The following ANXA11 variants were observed in gnomAD, a reference collection of about 807,000 sequenced individuals.
The protein encoded by ANXA11 is 56 kDa autoantigen.
Under a neutral mutation model 64.7 loss-of-function variants are expected in ANXA11, and 57 were observed. The observed-to-expected ratio is 0.88, with a 90% CI of 0.71 to 1.10. ANXA11 has a LOEUF of 1.10. Ranked by LOEUF, ANXA11 falls within the 50% of genes least tolerant of loss-of-function variation. The pLI is 0.00. For missense variants in ANXA11, 675 were observed against 670.7 expected (o/e 1.01, Z -0.07); for synonymous variants, 260 against 265.2 (o/e 0.98, Z 0.19).
intron 1 of ANXA11, among the ~76,000 whole-genome samples, chr10:80,188,865 G>A (rs1486051553): frequency 1.3e-5 from 2 of 152,110 alleles, no homozygotes; most frequent in African/African-American, 4.8e-5. Flanking sequence ...AAACTCAGGT[G>A]TCAGGCTCCC....
At position 80,162,024 on chromosome 10, in the gene ANXA11, A is replaced by G; in HGVS notation, c.1091T>C (p.Leu364Pro). The G allele has an allele frequency of 1.2e-6, 2 of 1,609,932 alleles. No homozygotes were observed. Among genetic ancestry groups the G allele is most frequent in the Non-Finnish European group, 1.7e-6 (2 of 1,179,110 alleles). The change falls in exon 12 of 16, where the codon CTG (leucine) becomes CCG (proline). Residue 364 changes from leucine to proline, a missense_variant. Physicochemically the swap from Leu to Pro is moderately conservative, Grantham distance 98. Coordinates refer to ENST00000422982, the MANE Select transcript of ANXA11 (RefSeq NM_145868.2). Reference protein sequence around the residue: ...MSLAQRDAQELYAAGENRLGT... With the variant: ...MSLAQRDAQEPYAAGENRLGT... ...CAGGCGGTTCTCCCCGGCCGCATAC[A>G]GCTCCTGGAGAGAGAGGAAGACGCA...
chr10:80,194,710 T>C (rs530430180), intron 1 of ANXA11, among the ~76,000 whole-genome samples: 123 of 152,300 alleles, frequency 8.1e-4, no homozygotes, highest in African/African-American at 2.9e-3. Flanking sequence ...TCCCAGAACC[T>C]GGGGCTCCTG....
rs141124851 is a variant in ANXA11 at position 80,176,687 on chromosome 10, C to A, written c.-57-532G>T. On this transcript the variant is annotated intron_variant, in intron 1 of 15. Transcript: ENST00000422982. ...CACACAGGGTCCATTCAGTTCCAGG[C>A]AGCCTTGGTAACCCTGGAGGGCCTG... Among the ~76,000 whole-genome samples, 11 of 152,316 alleles carry A rather than the reference C, an allele frequency of 7.2e-5. 2 individuals are homozygous for A. In the East Asian group the frequency reaches 1.9e-3, roughly 27 times the overall value.
intron 1 of ANXA11, among the ~76,000 whole-genome samples, chr10:80,181,858 C>A (rs1846367492): frequency 1.3e-5 from 2 of 152,324 alleles, no homozygotes; most frequent in African/African-American, 4.8e-5. Flanking sequence ...GCGGTATAGG[C>A]ACTTTGGAAG....
At chr10:80,173,950 A>C (rs182764345) in intron 2 of ANXA11, among the ~76,000 whole-genome samples, 222 of 152,308 alleles carry the variant, frequency 1.5e-3, no homozygotes, top group African/African-American at 5.2e-3. Flanking sequence ...TTTCCAGATG[A>C]TGTTACTGGT....
intron 1 of ANXA11, among the ~76,000 whole-genome samples, chr10:80,191,054 C>T (rs969285007): frequency 6.6e-6 from 1 of 151,898 alleles, no homozygotes; most frequent in Non-Finnish European, 1.5e-5. Flanking sequence ...GGCAAAACCC[C>T]ATCTCTACTA....
chr10:80,166,019 TGCGCGCGTGCGCACACAC>T (rs919223182), intron 8 of ANXA11, 47 bp downstream of exon 8: 15 of 1,022,540 alleles, frequency 1.5e-5, no homozygotes, highest in Non-Finnish European at 2.2e-5. Context: ...TCCACACGCA[TGCGCGCGTGCGCACACAC>T]GCGCGCACAC....
chr10:80,178,050 C>A (rs976708554), intron 1 of ANXA11, among the ~76,000 whole-genome samples: 1 of 152,210 alleles, frequency 6.6e-6, no homozygotes, highest in Non-Finnish European at 1.5e-5. Flanking sequence ...AAAGAGGCTA[C>A]CGCAAGGGGC....
intron 2 of ANXA11, among the ~76,000 whole-genome samples, chr10:80,175,191 T>C (rs763317938): frequency 2.6e-5 from 4 of 152,168 alleles, no homozygotes; most frequent in Non-Finnish European, 5.9e-5. Context: ...GCCTGACCCT[T>C]CTGCCCAGAC....
At chr10:80,167,774 T>G (rs1317900007) in intron 5 of ANXA11, among the ~76,000 whole-genome samples, 1 of 152,228 alleles carries the variant, frequency 6.6e-6, no homozygotes, top group Non-Finnish European at 1.5e-5. Context: ...CAACTGTGCA[T>G]GGCAGCCTGA....
chr10:80,205,537 C>T lies in ANXA11; in HGVS notation c.-252G>A, dbSNP rs890013213. On this transcript the variant is annotated 5_prime_UTR_variant, in exon 1 of 16. Coordinates refer to ENST00000422982, the MANE Select transcript of ANXA11 (RefSeq NM_145868.2). ...GCCGTCAGCGCCGGGCGGAAAACTC[C>T]GCGGGCGCGGCTGCCCCAGGTGCCA... 3 of 152,034 alleles carry T rather than the reference C, an allele frequency of 2.0e-5. No individual in the cohort carries two copies. The East Asian group carries it at 5.9e-4, about 30-fold the overall frequency. The allele number at this position is 152,034 out of a possible 1,614,324, so 9.4% of individuals were successfully genotyped here.
chr10:80,159,344 G>A, intron 12 of ANXA11, 149 bp from the exon 13 acceptor site: 1 of 636,852 alleles, frequency 1.6e-6, no homozygotes, highest in Non-Finnish European at 2.8e-6. Flanking sequence ...CATGCTGCTA[G>A]GGTGTACCCT....
chr10:80,181,745 T>C (rs1163616860), intron 1 of ANXA11, among the ~76,000 whole-genome samples: 2 of 152,212 alleles, frequency 1.3e-5, no homozygotes, highest in Non-Finnish European at 2.9e-5. Flanking sequence ...GATACTACTA[T>C]ACACCTATTA....
At chr10:80,190,740 C>T (rs933896429) in intron 1 of ANXA11, among the ~76,000 whole-genome samples, 1 of 149,830 alleles carries the variant, frequency 6.7e-6, no homozygotes, top group African/African-American at 2.4e-5. Flanking sequence ...CTGCCTTGGC[C>T]TCCCAAAGTG....
chr10:80,178,773 T>G (rs1846259281), intron 1 of ANXA11, among the ~76,000 whole-genome samples: 7 of 152,216 alleles, frequency 4.6e-5, no homozygotes, highest in Admixed American at 4.6e-4. Flanking sequence ...GCCACACTGC[T>G]TCATCATGCA....
At chr10:80,171,163 T>G in intron 3 of ANXA11, 1 of 1,383,932 alleles carries the variant, frequency 7.2e-7, no homozygotes, top group Non-Finnish European at 9.4e-7. Context: ...CCCAAGACCC[T>G]CTGTGGGGTA....
intron 8 of ANXA11, 83 bp downstream of exon 8, chr10:80,166,001 G>A: frequency 1.2e-6 from 1 of 804,742 alleles, no homozygotes; most frequent in South Asian, 1.7e-5. Context: ...CTCCTTCTGG[G>A]CTGTGTGTCC....
intron 4 of ANXA11, among the ~76,000 whole-genome samples, chr10:80,169,958 T>C (rs867602721): frequency 1.3e-4 from 20 of 152,120 alleles, no homozygotes; most frequent in Non-Finnish European, 2.8e-4. Context: ...TAGACATCCA[T>C]ACAGCACTTC....
At chr10:80,185,090 A>C (rs112995019) in intron 1 of ANXA11, among the ~76,000 whole-genome samples, 33 of 152,354 alleles carry the variant, frequency 2.2e-4, no homozygotes, top group African/African-American at 7.5e-4. Flanking sequence ...GGATCTCAGC[A>C]AGGACATCAC....
Sources: gnomAD v4.1 joint callset for allele counts (sites outside exome capture counted in the v4.1 genomes callset) on GRCh38, gnomAD v4.1.1 for gene constraint, MANE v1.5 for transcripts, NCBI Gene and HGNC (gene_info 2026-07-23, HGNC 2026-07-21) for gene names.